The following MACROD2 variants were observed in gnomAD, a reference collection of about 807,000 sequenced individuals.
MACROD2 encodes the protein ADP-ribose glycohydrolase MACROD2.
In MACROD2, 36 loss-of-function variants were observed where a neutral mutation model predicts 70.4. That is an observed-to-expected ratio of 0.51 (90% confidence interval 0.39 to 0.68). The LOEUF is 0.68. MACROD2 is among the 30% of genes least tolerant of loss of function. MACROD2 has a pLI of 0.00. For synonymous variants in MACROD2, 172 were observed against 178.8 expected, an observed-to-expected ratio of 0.96 and a Z score of 0.30; for missense variants, 496 against 538.4, an observed-to-expected ratio of 0.92 and a Z score of 0.78.
chr20:15,933,161 A>G (rs1476584963), intron 10 of MACROD2, 115 bp from the exon 11 acceptor site: 1 of 930,904 alleles, frequency 1.1e-6, no homozygotes, highest in East Asian at 2.7e-5. Context: ...GCCTGGCTTT[A>G]TGGGGAGTCA....
chr20:14,219,276 G>T (rs1003381166), intron 3 of MACROD2, among the ~76,000 whole-genome samples: 1 of 151,976 alleles, frequency 6.6e-6, no homozygotes, highest in Non-Finnish European at 1.5e-5. Flanking sequence ...TTAATTTGAA[G>T]ACCTAGTCTT....
rs1477403099 is a variant in MACROD2, at chr20:14,117,057, C to T, written c.271+31329C>T. On this transcript the variant is annotated intron_variant, in intron 3 of 17. Coordinates refer to ENST00000684519, the MANE Select transcript of MACROD2 (RefSeq NM_001351661.2). ...ACTCCAGCCTGGCGACAGAACAAGA[C>T]TCCATCTCAAAAAAAAAAAAAAAAA... is the stretch of plus-strand genomic sequence containing the variant. Among the ~76,000 whole-genome samples the T allele has an allele frequency of 1.8e-4, 14 of 75,738 alleles. No homozygotes were observed. The Admixed American group carries it at 2.2e-3, about 12-fold the overall frequency. 49.7% of individuals were successfully genotyped at this position (75,738 alleles called of 152,430 possible).
chr20:15,021,376 G>A (rs903963334), intron 5 of MACROD2, among the ~76,000 whole-genome samples: 7 of 33,822 alleles, frequency 2.1e-4, no homozygotes, highest in African/African-American at 8.5e-4. Context: ...GTATGCATAC[G>A]CAGTCTTCTG....
At chr20:14,945,664 G>C (rs528524938) in intron 5 of MACROD2, among the ~76,000 whole-genome samples, 2 of 152,096 alleles carry the variant, frequency 1.3e-5, no homozygotes, top group Admixed American at 6.5e-5. Flanking sequence ...AAGAAGAACC[G>C]AATGCTTTTA....
intron 5 of MACROD2, among the ~76,000 whole-genome samples, chr20:15,027,558 G>GT (rs1422345842): frequency 1.2e-5 from 1 of 85,284 alleles, no homozygotes; most frequent in Admixed American, 1.5e-4. Flanking sequence ...TGGTGGTGGT[G>GT]GGGGGAAATA....
At chr20:15,800,141 C>T (rs920398902) in intron 8 of MACROD2, among the ~76,000 whole-genome samples, 1 of 151,974 alleles carries the variant, frequency 6.6e-6, no homozygotes, top group Non-Finnish European at 1.5e-5. Flanking sequence ...TTCTTTGTTT[C>T]TTTTTGCTGT....
Position 15,215,217 on chromosome 20 carries a change from A to G in MACROD2, c.419-14723A>G, listed in dbSNP as rs547348718. Among the ~76,000 whole-genome samples, 21 of 150,926 alleles carry G rather than the reference A, an allele frequency of 1.4e-4. No individual in the cohort carries two copies. The East Asian group carries it at 4.1e-3, about 29-fold the overall frequency. ...ACAGCTAGTTCAAAGTCATGAAAAT[A>G]TTGAATATTTTTTTTCTCCTTTTTC... On this transcript the variant is annotated intron_variant, in intron 5 of 17. Transcript: ENST00000684519.
intron 5 of MACROD2, among the ~76,000 whole-genome samples, chr20:15,035,057 G>A (rs1325333697): frequency 4.6e-5 from 7 of 152,100 alleles, no homozygotes; most frequent in Non-Finnish European, 8.8e-5. Flanking sequence ...GATTCAAGAA[G>A]CCCATTTTCT....
chr20:15,964,103 T>G (rs1289414304), intron 12 of MACROD2, among the ~76,000 whole-genome samples: 2 of 152,196 alleles, frequency 1.3e-5, no homozygotes, highest in Admixed American at 6.5e-5. Context: ...ATGATAATTT[T>G]TAGAATTAAG....
chr20:15,683,082 A>T (rs1429604588), intron 8 of MACROD2, among the ~76,000 whole-genome samples: 3 of 152,254 alleles, frequency 2.0e-5, no homozygotes, highest in African/African-American at 7.2e-5. Context: ...AAGTAATGGC[A>T]TAAAACTAAA....
chr20:14,614,726 ATTATTCATTCCCTCAT>A (rs1210389907), intron 4 of MACROD2, among the ~76,000 whole-genome samples: 1 of 152,134 alleles, frequency 6.6e-6, no homozygotes. Flanking sequence ...TTAAGCATTA[ATTATTCATTCCCTCAT>A]TTATTCATTT....
At chr20:15,360,755 T>C (rs1256276928) in intron 6 of MACROD2, among the ~76,000 whole-genome samples, 1 of 152,146 alleles carries the variant, frequency 6.6e-6, no homozygotes, top group African/African-American at 2.4e-5. Context: ...CTAATAGGTA[T>C]GTAGTACTCT....
intron 6 of MACROD2, among the ~76,000 whole-genome samples, chr20:15,317,491 A>ATCTATCTG (rs1326083785): frequency 3.8e-5 from 5 of 132,092 alleles, no homozygotes; most frequent in Non-Finnish European, 8.5e-5. Context: ...TAATCTATCT[A>ATCTATCTG]TCTATCTATC....
At chr20:14,342,108 G>A (rs1432893209) in intron 3 of MACROD2, among the ~76,000 whole-genome samples, 2 of 152,130 alleles carry the variant, frequency 1.3e-5, no homozygotes, top group African/African-American at 4.8e-5. Flanking sequence ...CTATTACATG[G>A]GTGGGGAGAT....
intron 5 of MACROD2, among the ~76,000 whole-genome samples, chr20:15,086,692 T>G (rs896635831): frequency 6.6e-6 from 1 of 152,182 alleles, no homozygotes; most frequent in Non-Finnish European, 1.5e-5. Context: ...GTAGGGCTTA[T>G]GGAAGAGGTG....
chr20:15,955,469 C>G (rs1019383234), intron 12 of MACROD2, among the ~76,000 whole-genome samples: 2 of 152,150 alleles, frequency 1.3e-5, no homozygotes, highest in Non-Finnish European at 2.9e-5. Context: ...TTCTTCCCAG[C>G]CATTTCTGTC....
At chr20:14,581,704 C>T (rs529726479) in intron 4 of MACROD2, among the ~76,000 whole-genome samples, 1 of 152,286 alleles carries the variant, frequency 6.6e-6, no homozygotes, top group Admixed American at 6.5e-5. Context: ...TGCTTTATTT[C>T]ACATTCTCCC....
At chr20:15,922,618 C>T (rs375037646) in intron 10 of MACROD2, among the ~76,000 whole-genome samples, 60 of 152,338 alleles carry the variant, frequency 3.9e-4, no homozygotes, top group African/African-American at 1.4e-3. Flanking sequence ...TGACAAAAGT[C>T]TCCGCTGGGG....
At chr20:15,286,526 GGAGA>G (rs373342248) in intron 6 of MACROD2, among the ~76,000 whole-genome samples, 19,306 of 152,060 alleles carry the variant, frequency 0.13, 1,301 homozygotes, top group Middle Eastern at 0.21. Context: ...GAGGTGGGGA[GGAGA>G]ACAGAGAATA....
Sources: gnomAD v4.1 joint callset for allele counts (sites outside exome capture counted in the v4.1 genomes callset) on GRCh38, gnomAD v4.1.1 for gene constraint, MANE v1.5 for transcripts, NCBI Gene and HGNC (gene_info 2026-07-23, HGNC 2026-07-21) for gene names.